Variants in COX7B2 observed in about 807,000 individuals in gnomAD.
COX7B2 encodes the protein cytochrome c oxidase subunit 7B2.
For synonymous variants in COX7B2, 37 were observed against 32.1 expected (o/e 1.15, Z -0.51); for missense variants, 109 against 95.9 (o/e 1.14, Z -0.57).
chr4:46,754,874 C>T (rs1404276603), intron 2 of COX7B2, among the ~76,000 whole-genome samples: 7 of 151,074 alleles, frequency 4.6e-5, no homozygotes, highest in South Asian at 2.1e-4. Flanking sequence ...ATACAAAGAA[C>T]TAATACCAAT....
chr4:46,781,692 T>C (rs1717457482), intron 2 of COX7B2, among the ~76,000 whole-genome samples: 1 of 152,116 alleles, frequency 6.6e-6, no homozygotes, highest in Admixed American at 6.5e-5. Context: ...GAGGGAATGG[T>C]GGGAACCTGG....
chr4:46,829,394 T>C (rs1204109434), intron 2 of COX7B2, among the ~76,000 whole-genome samples: 2 of 152,174 alleles, frequency 1.3e-5, no homozygotes, highest in African/African-American at 4.8e-5. Context: ...CTTTTATCTT[T>C]TGGAAAAATT....
rs542108172 is a variant in COX7B2 at position 46,872,456 on chromosome 4, A to T, written c.-104-27442T>A. On this transcript the variant is annotated intron_variant, in intron 1 of 2. Transcript: ENST00000355591. ...ACCTGTGTAATAAACCTTCACATGTACCCCTGAACCTAAAATAAAAGTTAT... is the reference window on the plus strand; with the variant it reads ...ACCTGTGTAATAAACCTTCACATGTTCCCCTGAACCTAAAATAAAAGTTAT... 1.6e-4 allele frequency among the ~76,000 whole-genome samples: 24 copies of T among 152,190 alleles called. No individual in the cohort carries two copies. In the South Asian group the frequency reaches 5.0e-3, roughly 32 times the overall value.
chr4:46,898,531 C>T (rs1176048512), intron 1 of COX7B2, among the ~76,000 whole-genome samples: 3 of 152,080 alleles, frequency 2.0e-5, no homozygotes, highest in Non-Finnish European at 4.4e-5. Context: ...AATCCTTCCC[C>T]CTCAGCCTCC....
At chr4:46,819,243 A>ATCAAAAACCCT (rs1418756283) in intron 2 of COX7B2, among the ~76,000 whole-genome samples, 1 of 152,182 alleles carries the variant, frequency 6.6e-6, no homozygotes, top group Non-Finnish European at 1.5e-5. Context: ...ACTCTCATTT[A>ATCAAAAACCCT]TCAAAAACCC....
intron 1 of COX7B2, among the ~76,000 whole-genome samples, chr4:46,881,271 A>T (rs981756178): frequency 6.6e-6 from 1 of 152,160 alleles, no homozygotes; most frequent in Non-Finnish European, 1.5e-5. Flanking sequence ...CAATACATGT[A>T]AGAAGTACAC....
intron 2 of COX7B2, among the ~76,000 whole-genome samples, chr4:46,789,793 C>T (rs1034519199): frequency 1.3e-5 from 2 of 151,942 alleles, no homozygotes; most frequent in Admixed American, 1.3e-4. Context: ...GTAAACTAGT[C>T]AAAGGTATAC....
intron 1 of COX7B2, among the ~76,000 whole-genome samples, chr4:46,905,972 G>A (rs9996937): frequency 0.28 from 41,405 of 149,874 alleles, 6,082 homozygotes; most frequent in East Asian, 0.37. Context: ...TGGGACTACA[G>A]GCGCCCGCCA....
chr4:46,820,017 A>G (rs1714161168), intron 2 of COX7B2, among the ~76,000 whole-genome samples: 1 of 152,174 alleles, frequency 6.6e-6, no homozygotes, highest in African/African-American at 2.4e-5. Flanking sequence ...GGTACCAGGA[A>G]CCGGTTTCGT....
At chr4:46,790,997 T>G (rs1718011864) in intron 2 of COX7B2, among the ~76,000 whole-genome samples, 1 of 152,040 alleles carries the variant, frequency 6.6e-6, no homozygotes, top group Non-Finnish European at 1.5e-5. Flanking sequence ...GTAACCCAGA[T>G]TTTTGTTTGT....
At chr4:46,841,308 T>C (rs1715907364) in intron 2 of COX7B2, among the ~76,000 whole-genome samples, 1 of 149,248 alleles carries the variant, frequency 6.7e-6, no homozygotes. Flanking sequence ...AGTAAACAAG[T>C]CAAAGAGCCC....
chr4:46,902,509 T>A (rs1179012430), intron 1 of COX7B2, among the ~76,000 whole-genome samples: 1 of 152,238 alleles, frequency 6.6e-6, no homozygotes, highest in Non-Finnish European at 1.5e-5. Flanking sequence ...CAGCAATCTA[T>A]CAAGACATTG....
chr4:46,743,720 A>T (rs1285128649), intron 2 of COX7B2, among the ~76,000 whole-genome samples: 1 of 152,122 alleles, frequency 6.6e-6, no homozygotes, highest in African/African-American at 2.4e-5. Flanking sequence ...TTTGAGAGGG[A>T]TGGCATGTGG....
intron 2 of COX7B2, among the ~76,000 whole-genome samples, chr4:46,787,711 G>T (rs1232144157): frequency 6.6e-6 from 1 of 152,166 alleles, no homozygotes; most frequent in Non-Finnish European, 1.5e-5. Flanking sequence ...GATACACAAA[G>T]ACCTAGGCAC....
intron 2 of COX7B2, among the ~76,000 whole-genome samples, chr4:46,818,809 T>A (rs1027678971): frequency 6.6e-6 from 1 of 152,214 alleles, no homozygotes; most frequent in African/African-American, 2.4e-5. Context: ...ACAGATGGCA[T>A]ATTAGTCTTA....
intron 2 of COX7B2, among the ~76,000 whole-genome samples, chr4:46,788,354 T>C (rs760081798): frequency 6.6e-6 from 1 of 152,146 alleles, no homozygotes; most frequent in Non-Finnish European, 1.5e-5. Flanking sequence ...ATAACTAAGA[T>C]TATCCAAGGA....
At chr4:46,847,435 T>A (rs191212817) in intron 1 of COX7B2, among the ~76,000 whole-genome samples, 1 of 152,148 alleles carries the variant, frequency 6.6e-6, no homozygotes, top group East Asian at 1.9e-4. Flanking sequence ...TGCAGAAAAC[T>A]TGAGTAAATT....
rs540084221 is a variant in COX7B2, at chr4:46,791,365, T to G, written c.-50+53595A>C. On this transcript the variant is annotated intron_variant, in intron 2 of 2. Coordinates refer to ENST00000355591, the MANE Select transcript of COX7B2 (RefSeq NM_130902.3). ...ATGAGGGAATAAACATGACATTTTA[T>G]AATTCTAATGTAAACAAATATTATT... Among the ~76,000 whole-genome samples the G allele has an allele frequency of 3.9e-4, 60 of 152,222 alleles. 1 individual carries two copies. The highest frequency in any genetic ancestry group is 7.8e-4 in the Non-Finnish European group (53 of 68,044).
chr4:46,821,230 C>T (rs1288269340), intron 2 of COX7B2, among the ~76,000 whole-genome samples: 5 of 152,234 alleles, frequency 3.3e-5, no homozygotes, highest in African/African-American at 1.2e-4. Flanking sequence ...ACTTGAAAGA[C>T]GCACCAGAGA....
Sources: gnomAD v4.1 joint callset for allele counts (sites outside exome capture counted in the v4.1 genomes callset) on GRCh38, gnomAD v4.1.1 for gene constraint, MANE v1.5 for transcripts, NCBI Gene and HGNC (gene_info 2026-07-23, HGNC 2026-07-21) for gene names.